SGCD: variants seen among roughly 807,000 people sequenced by gnomAD.
The protein encoded by SGCD is sarcoglycan delta, also known as delta-sarcoglycan.
A neutral mutation model predicts 36.6 loss-of-function variants in SGCD; 18 were observed. The ratio of observed to expected loss-of-function variants is 0.49; its 90% confidence interval spans 0.34 to 0.73. SGCD has a LOEUF of 0.73. SGCD is among the 30% of genes least tolerant of loss of function. SGCD has a pLI of 0.01. For missense variants in SGCD, 387 were observed against 346.7 expected (o/e 1.12, Z -0.92); for synonymous variants, 133 against 130.6 (o/e 1.02, Z -0.12).
At chr5:156,694,996 G>T (rs942986887) in intron 7 of SGCD, among the ~76,000 whole-genome samples, 1 of 152,154 alleles carries the variant, frequency 6.6e-6, no homozygotes, top group African/African-American at 2.4e-5. Flanking sequence ...TATTACTGCA[G>T]AATTTTTGTG....
At chr5:156,564,808 T>C (rs1251988334) in intron 4 of SGCD, among the ~76,000 whole-genome samples, 1 of 152,238 alleles carries the variant, frequency 6.6e-6, no homozygotes, top group Non-Finnish European at 1.5e-5. Context: ...TCTTCCATGA[T>C]GTAGCATGTG....
At position 156,228,646 on chromosome 5, in the gene SGCD, T is replaced by A. The variant is rs187606606; in HGVS notation, c.-43-100888T>A. Among the ~76,000 whole-genome samples the A allele has an allele frequency of 2.6e-5, 4 of 152,324 alleles. No individual in the cohort carries two copies. In the East Asian group the frequency reaches 7.7e-4, roughly 29 times the overall value. On this transcript the variant is annotated intron_variant, in intron 3 of 9. Transcript: ENST00000517913. ...TTAGGCCATTTACATTCAATGTTAG[T>A]ATTGAGATGTGAGGTACCATTCCAT...
intron 1 of SGCD, among the ~76,000 whole-genome samples, chr5:155,886,503 C>G (rs563408788): frequency 6.6e-6 from 1 of 150,768 alleles, no homozygotes; most frequent in African/African-American, 2.5e-5. Flanking sequence ...TGCGCGCACG[C>G]GCGCGTGCGT....
At chr5:156,718,328 AG>A (rs1217966058) in intron 7 of SGCD, among the ~76,000 whole-genome samples, 2 of 152,204 alleles carry the variant, frequency 1.3e-5, no homozygotes, top group African/African-American at 4.8e-5. Flanking sequence ...AGAAAATAGT[AG>A]GGTATGAATG....
intron 6 of SGCD, among the ~76,000 whole-genome samples, chr5:156,631,129 C>T (rs1762615292): frequency 6.6e-6 from 1 of 152,148 alleles, no homozygotes; most frequent in Admixed American, 6.5e-5. Context: ...CTACTTACTG[C>T]TGCCTTGAAA....
chr5:156,711,645 TTCA>T (rs2113755534), intron 7 of SGCD, among the ~76,000 whole-genome samples: 1 of 152,298 alleles, frequency 6.6e-6, no homozygotes, highest in South Asian at 2.1e-4. Flanking sequence ...CCTGAGGGCT[TTCA>T]TCTAGTACAA....
At chr5:156,455,279 C>G (rs566753267) in intron 3 of SGCD, among the ~76,000 whole-genome samples, 1 of 152,278 alleles carries the variant, frequency 6.6e-6, no homozygotes, top group South Asian at 2.1e-4. Context: ...AAGGCAGTTG[C>G]AGTCAAGGAC....
intron 3 of SGCD, among the ~76,000 whole-genome samples, chr5:156,455,355 G>C (rs977824097): frequency 6.6e-6 from 1 of 152,128 alleles, no homozygotes; most frequent in African/African-American, 2.4e-5. Context: ...CCTTCATTCA[G>C]AGACCTCTTT....
At chr5:156,202,333 G>C (rs1764171282) in intron 3 of SGCD, among the ~76,000 whole-genome samples, 1 of 152,156 alleles carries the variant, frequency 6.6e-6, no homozygotes, top group South Asian at 2.1e-4. Flanking sequence ...TGAATGAATA[G>C]AAGCCAGACT....
intron 1 of SGCD, among the ~76,000 whole-genome samples, chr5:155,984,146 A>T (rs115068979): frequency 1.3e-5 from 2 of 152,208 alleles, no homozygotes; most frequent in Non-Finnish European, 2.9e-5. Flanking sequence ...GCACATTCAC[A>T]TACTTGATTT....
At chr5:156,282,872 C>T (rs1490574426) in intron 3 of SGCD, among the ~76,000 whole-genome samples, 1 of 152,054 alleles carries the variant, frequency 6.6e-6, no homozygotes, top group African/African-American at 2.4e-5. Flanking sequence ...TTAAAATATG[C>T]ATTTTAGTTT....
At chr5:156,128,819 C>G (rs985358451) in intron 3 of SGCD, among the ~76,000 whole-genome samples, 7 of 152,092 alleles carry the variant, frequency 4.6e-5, no homozygotes, top group African/African-American at 1.7e-4. Context: ...TATAAATTAC[C>G]CAGTCTCAGG....
chr5:156,289,871 T>C (rs190785387), intron 3 of SGCD, among the ~76,000 whole-genome samples: 1 of 152,168 alleles, frequency 6.6e-6, no homozygotes, highest in East Asian at 1.9e-4. Flanking sequence ...CAAAGTAGTA[T>C]GAATGTCTAG....
At chr5:156,422,659 A>C (rs556497573) in intron 3 of SGCD, among the ~76,000 whole-genome samples, 2 of 152,170 alleles carry the variant, frequency 1.3e-5, no homozygotes, top group South Asian at 4.1e-4. Flanking sequence ...TTTCTCAACA[A>C]CAGCACTTTT....
At chr5:156,350,637 A>T (rs1297316918) in intron 3 of SGCD, among the ~76,000 whole-genome samples, 1 of 152,136 alleles carries the variant, frequency 6.6e-6, no homozygotes, top group African/African-American at 2.4e-5. Context: ...TCCAGTATTC[A>T]TTACTGGCAG....
the SGCD span, among the ~76,000 whole-genome samples, chr5:155,774,511 A>G: frequency 6.6e-6 from 1 of 152,146 alleles, no homozygotes; most frequent in Admixed American, 6.6e-5. Flanking sequence ...TGCTGAAGTC[A>G]AAGTGTTGGC....
At chr5:155,871,987 C>G (rs753946346) in intron 1 of SGCD, among the ~76,000 whole-genome samples, 3 of 152,156 alleles carry the variant, frequency 2.0e-5, no homozygotes, top group Non-Finnish European at 4.4e-5. Context: ...TTTGCCAAGG[C>G]AAGAAATAAT....
At chr5:156,347,270 A>G (rs1769000368) in intron 3 of SGCD, among the ~76,000 whole-genome samples, 1 of 152,178 alleles carries the variant, frequency 6.6e-6, no homozygotes, top group Non-Finnish European at 1.5e-5. Context: ...TTTGGCCTTA[A>G]GTCCCAGTGA....
chr5:155,761,598 A>T, the SGCD span, among the ~76,000 whole-genome samples: 1 of 137,400 alleles, frequency 7.3e-6, no homozygotes, highest in Non-Finnish European at 1.5e-5. Flanking sequence ...CATCATCTCC[A>T]TCACCCTCTC....
Sources: allele counts gnomAD v4.1 joint callset (sites outside exome capture counted in the v4.1 genomes callset), GRCh38; gene constraint gnomAD v4.1.1; transcripts MANE v1.5; gene names NCBI Gene and HGNC (gene_info 2026-07-23, HGNC 2026-07-21).